XPO4: variants seen among roughly 807,000 people sequenced by gnomAD.
XPO4 encodes the protein exportin-4.
Under a neutral mutation model 143.0 loss-of-function variants are expected in XPO4, and 39 were observed. The observed-to-expected ratio is 0.27, with a 90% CI of 0.21 to 0.36. XPO4 has a LOEUF of 0.36. Ranked by LOEUF, XPO4 falls within the 10% of genes least tolerant of loss-of-function variation. The pLI, the probability that XPO4 is intolerant of heterozygous loss-of-function variation, is 1.00. For synonymous variants in XPO4, 439 were observed against 474.0 expected (o/e 0.93, Z 0.96); for missense variants, 907 against 1,348.0 (o/e 0.67, Z 5.12).
At chr13:20,801,684 T>C (rs891469542) in intron 13 of XPO4, among the ~76,000 whole-genome samples, 8 of 152,164 alleles carry the variant, frequency 5.3e-5, no homozygotes, top group African/African-American at 1.4e-4. Context: ...AAGTGATATA[T>C]ATTTAACCTG....
intron 6 of XPO4, among the ~76,000 whole-genome samples, chr13:20,837,078 C>T (rs2059924726): frequency 6.6e-6 from 1 of 152,136 alleles, no homozygotes; most frequent in East Asian, 1.9e-4. Context: ...AGCTGATGGA[C>T]ATTTGGGTTG....
At chr13:20,881,219 T>C (rs1340894802) in intron 1 of XPO4, among the ~76,000 whole-genome samples, 1 of 152,156 alleles carries the variant, frequency 6.6e-6, no homozygotes, top group Non-Finnish European at 1.5e-5. Context: ...TGATAAATTT[T>C]GGTGATAGTT....
At chr13:20,848,954 T>C (rs1372966396) in intron 4 of XPO4, 3 of 985,304 alleles carry the variant, frequency 3.0e-6, no homozygotes, top group East Asian at 1.1e-4. Context: ...AAGTAACTCT[T>C]ATCTTCACAT....
intron 4 of XPO4, chr13:20,849,572 G>T (rs1566605661): frequency 1.0e-6 from 1 of 985,282 alleles, no homozygotes; most frequent in Non-Finnish European, 1.2e-6. Context: ...ACTGCAAACT[G>T]AGATGAAATA....
intron 18 of XPO4, among the ~76,000 whole-genome samples, chr13:20,791,097 T>G (rs528383761): frequency 6.6e-6 from 1 of 151,954 alleles, no homozygotes; most frequent in Admixed American, 6.6e-5. Context: ...GTTATCATTC[T>G]TAATACATAT....
chr13:20,801,623 G>A (rs553666808), intron 13 of XPO4, among the ~76,000 whole-genome samples: 10 of 152,246 alleles, frequency 6.6e-5, no homozygotes, highest in South Asian at 2.1e-4. Flanking sequence ...ATCACATAGC[G>A]TGACATGCAG....
chr13:20,843,267 T>C (rs570656289), intron 5 of XPO4, among the ~76,000 whole-genome samples: 15 of 152,322 alleles, frequency 9.8e-5, no homozygotes, highest in Non-Finnish European at 1.8e-4. Context: ...TAAATGCTAC[T>C]TCCATAGAGA....
chr13:20,868,394 A>T, intron 2 of XPO4: 2 of 842,342 alleles, frequency 2.4e-6, no homozygotes, highest in Non-Finnish European at 3.2e-6. Context: ...TAGGGGGGAA[A>T]AATCCAAAGT....
chr13:20,848,413 C>G (rs951768613), intron 4 of XPO4: 6 of 985,362 alleles, frequency 6.1e-6, no homozygotes, highest in Non-Finnish European at 7.2e-6. Flanking sequence ...ACAGTAAGGG[C>G]TACCACCCTC....
At chr13:20,809,734 G>T in intron 10 of XPO4, 57 bp downstream of exon 10, 1 of 1,510,144 alleles carries the variant, frequency 6.6e-7, no homozygotes, top group Non-Finnish European at 8.9e-7. Context: ...GTGTAACATG[G>T]TAAAATATAG....
intron 4 of XPO4, chr13:20,848,195 C>G (rs1431206217): frequency 2.1e-6 from 2 of 964,466 alleles, no homozygotes; most frequent in African/African-American, 3.5e-5. Context: ...CATTTGCTCA[C>G]AGGTTAGAAA....
chr13:20,837,720 C>A lies in XPO4; in HGVS notation c.727+5175G>T, dbSNP rs767031817. 3.0e-4 allele frequency among the ~76,000 whole-genome samples: 45 copies of A among 152,170 alleles called. No homozygotes were observed. In the East Asian group the frequency reaches 3.1e-3, roughly 10 times the overall value. On this transcript the variant is annotated intron_variant, in intron 6 of 22. Transcript: ENST00000255305. ...CACACGGAACAATCATGGCAGAAGG[C>A]AAGGAAGAGCAAGTCCCGTCTTACA...
chr13:20,817,790 T>C (rs1311935899), intron 9 of XPO4, among the ~76,000 whole-genome samples: 4 of 152,220 alleles, frequency 2.6e-5, no homozygotes, highest in South Asian at 2.1e-4. Flanking sequence ...TGAACAATTA[T>C]TGATAGAATT....
chr13:20,846,710 A>G (rs2060032906), intron 4 of XPO4, among the ~76,000 whole-genome samples: 1 of 152,204 alleles, frequency 6.6e-6, no homozygotes, highest in Admixed American at 6.5e-5. Flanking sequence ...ATTGTCTACA[A>G]TCCTACCATC....
intron 2 of XPO4, among the ~76,000 whole-genome samples, chr13:20,867,013 C>A (rs972184688): frequency 2.0e-5 from 3 of 152,158 alleles, no homozygotes; most frequent in African/African-American, 7.2e-5. Context: ...AATAGTTTAA[C>A]ACAACGGTTT....
At chr13:20,796,674 A>G in intron 17 of XPO4, 90 bp downstream of exon 17, 1 of 1,025,130 alleles carries the variant, frequency 9.8e-7, no homozygotes, top group Non-Finnish European at 1.3e-6. Context: ...ATTTAAGATA[A>G]TACTAATCAA....
chr13:20,827,883 T>G (rs1294638160), intron 6 of XPO4, among the ~76,000 whole-genome samples: 1 of 152,150 alleles, frequency 6.6e-6, no homozygotes, highest in Non-Finnish European at 1.5e-5. Flanking sequence ...CCATCATATA[T>G]TTGTAGGTTT....
rs1301471427 is a variant in XPO4, at chr13:20,803,691, C to G, written c.1818-2701G>C. Among the ~76,000 whole-genome samples, 1 of 152,128 alleles carries G rather than the reference C, an allele frequency of 6.6e-6. No homozygotes were observed. Among genetic ancestry groups the G allele is most frequent in the Non-Finnish European group, 1.5e-5 (1 of 68,010 alleles). On this transcript the variant is annotated intron_variant, in intron 13 of 22. Transcript: ENST00000255305. The surrounding 1 kb of genome is among the most constrained non-coding windows in gnomAD (Gnocchi z 4.1). ...TATCAGCCCCACCCACAGCAACCTCCCTGCCTCTCCACCCTCATCCCCCCA... is the reference window on the plus strand; with the variant it reads ...TATCAGCCCCACCCACAGCAACCTCGCTGCCTCTCCACCCTCATCCCCCCA...
At chr13:20,893,575 G>A (rs544071218) in intron 1 of XPO4, among the ~76,000 whole-genome samples, 6 of 152,064 alleles carry the variant, frequency 3.9e-5, no homozygotes, top group African/African-American at 1.4e-4. Context: ...CCCTCACATG[G>A]TGAAACCCCG....
Sources: allele counts gnomAD v4.1 joint callset (sites outside exome capture counted in the v4.1 genomes callset), GRCh38; gene constraint gnomAD v4.1.1; non-coding constraint Gnocchi (gnomAD v3.1); transcripts MANE v1.5; gene names NCBI Gene and HGNC (gene_info 2026-07-23, HGNC 2026-07-21).